WDPCP: variants seen among roughly 807,000 people sequenced by gnomAD.
The protein encoded by WDPCP is WD repeat-containing and planar cell polarity effector protein fritz homolog.
A neutral mutation model predicts 93.1 loss-of-function variants in WDPCP; 71 were observed. The observed-to-expected ratio is 0.76, with a 90% CI of 0.63 to 0.93. WDPCP has a LOEUF of 0.93. WDPCP is among the 40% of genes least tolerant of loss of function. The probability of loss-of-function intolerance (pLI) is 0.00; values close to 1 mark genes in which losing one functional copy is unlikely to be tolerated. For synonymous variants in WDPCP, 315 were observed against 315.0 expected (o/e 1.00, Z 0.00); for missense variants, 844 against 887.4 (o/e 0.95, Z 0.62).
At chr2:63,838,293 G>A in the WDPCP span, among the ~76,000 whole-genome samples, 1 of 152,200 alleles carries the variant, frequency 6.6e-6, no homozygotes, top group Non-Finnish European at 1.5e-5. Flanking sequence ...GCTGTTGATA[G>A]AGAGCTCCTG....
chr2:63,368,357 G>C (rs754150246), intron 12 of WDPCP, among the ~76,000 whole-genome samples: 22 of 148,916 alleles, frequency 1.5e-4, no homozygotes, highest in South Asian at 2.1e-4. Context: ...ACAGTGTCTC[G>C]CTCTGTCGCC....
At position 63,337,835 on chromosome 2, in the gene WDPCP, T is replaced by TA. The variant is rs544486321; in HGVS notation, c.1749-24525dup. Among the ~76,000 whole-genome samples the TA allele has an allele frequency of 1.9e-3, 286 of 152,146 alleles. 1 individual carries two copies. The highest frequency in any genetic ancestry group is 1.7e-3 in the Non-Finnish European group (115 of 67,986). ...TGTCTATTCAGATCTTTTGCCCATT[T>TA]AAAAAAAATAGGATTTTTTTTGCTA... On this transcript the variant is annotated intron_variant, in intron 12 of 17. Transcript: ENST00000272321.
chr2:63,622,681 G>A (rs1709758629), intron 3 of WDPCP: 1 of 1,613,752 alleles, frequency 6.2e-7, no homozygotes, highest in African/African-American at 1.3e-5. Context: ...CGCCGGGACA[G>A]CAGTTTCTGG....
chr2:63,716,389 G>A (rs932013457), intron 2 of WDPCP, among the ~76,000 whole-genome samples: 3 of 152,064 alleles, frequency 2.0e-5, no homozygotes, highest in East Asian at 1.9e-4. Context: ...TAAGTTTTGC[G>A]TTCTCTGGTT....
chr2:63,392,342 A>G (rs2840202), intron 10 of WDPCP, among the ~76,000 whole-genome samples: 85,757 of 151,966 alleles, frequency 0.56, 24,541 homozygotes, highest in Admixed American at 0.64. Flanking sequence ...TAGGTAGAAA[A>G]CTGAAACTGG....
rs760401387 is a variant in WDPCP, at chr2:63,174,673, T to C, written c.2075A>G (p.Asn692Ser). The change falls in exon 15 of 18, where the codon AAC (asparagine) becomes AGC (serine). Residue 692 changes from asparagine to serine, a missense_variant. Physicochemically the swap from Asn to Ser is conservative, Grantham distance 46 (BLOSUM62 1). Coordinates refer to ENST00000272321, the MANE Select transcript of WDPCP (RefSeq NM_015910.7). Reference sequence around the variant, plus strand: ...TCCTCAGTTCAACATTTCTTACCTGTTAGAAGAGCCATTCAGTATTCTTTG... The same window carrying C: ...TCCTCAGTTCAACATTTCTTACCTGCTAGAAGAGCCATTCAGTATTCTTTG... ...LQQRILNGSS[N>S]RQIIDRRNEL... is the part of the protein sequence containing the mutation. The C allele has an allele frequency of 9.3e-6, 15 of 1,613,812 alleles. No individual in the cohort carries two copies. In the South Asian group the frequency reaches 1.2e-4, roughly 13 times the overall value.
chr2:63,386,583 T>C (rs1228231126), intron 10 of WDPCP, among the ~76,000 whole-genome samples: 3 of 152,118 alleles, frequency 2.0e-5, no homozygotes, highest in Non-Finnish European at 4.4e-5. Flanking sequence ...TTCCCATAAA[T>C]TGCTGATATG....
intron 3 of WDPCP, chr2:63,605,172 AC>A: frequency 1.4e-6 from 1 of 731,086 alleles, no homozygotes. Context: ...TGGAGGGGAA[AC>A]ATTAAGCTCT....
intron 14 of WDPCP, among the ~76,000 whole-genome samples, chr2:63,215,706 A>G (rs1677267562): frequency 6.6e-6 from 1 of 152,344 alleles, no homozygotes; most frequent in African/African-American, 2.4e-5. Context: ...CAAAATTGAC[A>G]AATGGGATCT....
intron 2 of WDPCP, among the ~76,000 whole-genome samples, chr2:63,806,639 C>T (rs1397522563): frequency 1.3e-5 from 2 of 152,108 alleles, no homozygotes; most frequent in South Asian, 2.1e-4. Flanking sequence ...TCTGCAGTCT[C>T]GACCATAAAA....
intron 12 of WDPCP, among the ~76,000 whole-genome samples, chr2:63,366,165 A>G (rs1316573590): frequency 1.3e-5 from 2 of 152,192 alleles, no homozygotes; most frequent in African/African-American, 4.8e-5. Context: ...TTTAATTTTC[A>G]AAAGGAGGCA....
At chr2:63,558,092 G>A (rs1243916423) in intron 1 of WDPCP, among the ~76,000 whole-genome samples, 1 of 151,440 alleles carries the variant, frequency 6.6e-6, no homozygotes, top group Non-Finnish European at 1.5e-5. Flanking sequence ...AAGAGCTAGA[G>A]AATCAAAGCA....
chr2:63,243,468 A>T (rs539527586), intron 14 of WDPCP, among the ~76,000 whole-genome samples: 3 of 152,168 alleles, frequency 2.0e-5, no homozygotes, highest in African/African-American at 7.2e-5. Context: ...CCCATTTTGT[A>T]GATTGCCTGT....
At chr2:63,547,016 T>C (rs1010159666) in intron 1 of WDPCP, among the ~76,000 whole-genome samples, 1 of 151,962 alleles carries the variant, frequency 6.6e-6, no homozygotes, top group Admixed American at 6.6e-5. Context: ...AATTCCAGAT[T>C]AGAGAGCTGG....
At chr2:63,218,686 C>T (rs925382773) in intron 14 of WDPCP, among the ~76,000 whole-genome samples, 1 of 152,028 alleles carries the variant, frequency 6.6e-6, no homozygotes, top group African/African-American at 2.4e-5. Flanking sequence ...TGCGACACTA[C>T]GCCCAGCTAA....
chr2:63,612,935 T>C (rs536371397), intron 3 of WDPCP, among the ~76,000 whole-genome samples: 28 of 152,028 alleles, frequency 1.8e-4, no homozygotes, highest in Middle Eastern at 3.4e-3. Context: ...TTCTTTCTTT[T>C]TTTTTTTTTA....
At chr2:63,135,553 AAC>A (rs1170237669) in intron 17 of WDPCP, among the ~76,000 whole-genome samples, 2 of 152,020 alleles carry the variant, frequency 1.3e-5, no homozygotes, top group African/African-American at 4.8e-5. Flanking sequence ...GCTGATCTTG[AAC>A]TCCTAACCTC....
intron 1 of WDPCP, among the ~76,000 whole-genome samples, chr2:63,525,759 G>A (rs1422429988): frequency 6.6e-6 from 1 of 152,158 alleles, no homozygotes; most frequent in Non-Finnish European, 1.5e-5. Context: ...TAAGATGTGT[G>A]GGCCAAGGGA....
chr2:63,635,096 T>C (rs1313010700), intron 3 of WDPCP, among the ~76,000 whole-genome samples: 1 of 152,060 alleles, frequency 6.6e-6, no homozygotes, highest in Non-Finnish European at 1.5e-5. Flanking sequence ...CTATAAATAA[T>C]TATACATCAG....
Sources: gnomAD v4.1 joint callset for allele counts (sites outside exome capture counted in the v4.1 genomes callset) on GRCh38, gnomAD v4.1.1 for gene constraint, MANE v1.5 for transcripts, NCBI Gene and HGNC (gene_info 2026-07-23, HGNC 2026-07-21) for gene names.